Variants in FLRT2 observed in about 807,000 individuals in gnomAD.
FLRT2 encodes the protein leucine-rich repeat transmembrane protein FLRT2.
FLRT2 carries 15 observed loss-of-function variants against 40.0 expected under a neutral mutation model. That is an observed-to-expected ratio of 0.38 (90% confidence interval 0.25 to 0.58). The LOEUF (loss-of-function observed/expected upper bound fraction) is 0.58, where lower values mean the gene tolerates loss of function less well. FLRT2 is among the 20% of genes least tolerant of loss of function. The probability of loss-of-function intolerance (pLI) is 0.71; values close to 1 mark genes in which losing one functional copy is unlikely to be tolerated. For missense variants in FLRT2, 726 were observed against 840.0 expected, an observed-to-expected ratio of 0.86 and a Z score of 1.68; for synonymous variants, 380 against 336.8, an observed-to-expected ratio of 1.13 and a Z score of -1.41.
chr14:85,603,820 G>A (rs1008306981), intron 1 of FLRT2, among the ~76,000 whole-genome samples: 1 of 152,084 alleles, frequency 6.6e-6, no homozygotes, highest in African/African-American at 2.4e-5. Flanking sequence ...GCGAGCCGAG[G>A]TCTCTTGCCA....
intron 1 of FLRT2, among the ~76,000 whole-genome samples, chr14:85,574,581 T>G (rs1008540483): frequency 2.0e-5 from 3 of 152,166 alleles, no homozygotes; most frequent in Admixed American, 2.0e-4. Context: ...CAATTTTTGG[T>G]TCCTTTTCTT....
intron 1 of FLRT2, among the ~76,000 whole-genome samples, chr14:85,609,617 G>A (rs1475728956): frequency 1.3e-5 from 2 of 152,164 alleles, no homozygotes; most frequent in Admixed American, 6.6e-5. Flanking sequence ...AACTCCGTTA[G>A]GAGACTTGGT....
At chr14:85,606,521 CTTTT>C (rs532159794) in intron 1 of FLRT2, among the ~76,000 whole-genome samples, 157 of 99,962 alleles carry the variant, frequency 1.6e-3, no homozygotes, top group South Asian at 3.8e-3. Context: ...AGCTGTTACT[CTTTT>C]TTTTTTTTTT....
At chr14:85,602,872 G>A (rs1473365964) in intron 1 of FLRT2, among the ~76,000 whole-genome samples, 2 of 152,226 alleles carry the variant, frequency 1.3e-5, no homozygotes, top group African/African-American at 2.4e-5. Flanking sequence ...CCAGAATAAT[G>A]ATTACCTCTG....
In FLRT2 at chr14:85,628,193, T is replaced by G. The variant is rs1248419812; in HGVS notation, c.*4696T>G. 1.3e-5 allele frequency: 2 copies of G among 152,236 alleles called. No individual in the cohort carries two copies. The highest frequency in any genetic ancestry group is 2.9e-5 in the Non-Finnish European group (2 of 68,042). 9.4% of individuals were successfully genotyped at this position (152,236 alleles called of 1,614,324 possible). A position where few individuals can be genotyped will look rare whatever the true frequency, so the allele number is the denominator to read the frequency against. On this transcript the variant is annotated 3_prime_UTR_variant, in exon 2 of 2. Coordinates refer to ENST00000330753, the MANE Select transcript of FLRT2 (RefSeq NM_013231.6). Reference sequence around the variant, plus strand: ...GTATGCACACATACACAGAGCATCTTATTTTATACTGGTGAAATCTATGTT... The same window carrying G: ...GTATGCACACATACACAGAGCATCTGATTTTATACTGGTGAAATCTATGTT...
intron 1 of FLRT2, among the ~76,000 whole-genome samples, chr14:85,600,423 G>A (rs1002239686): frequency 2.6e-5 from 4 of 152,152 alleles, no homozygotes; most frequent in African/African-American, 9.7e-5. Flanking sequence ...TGTGTACTGA[G>A]GAAGAGGTGC....
At chr14:85,604,071 C>T (rs1242238993) in intron 1 of FLRT2, among the ~76,000 whole-genome samples, 1 of 152,064 alleles carries the variant, frequency 6.6e-6, no homozygotes, top group Non-Finnish European at 1.5e-5. Context: ...GGAAGCCATC[C>T]TACCTAAATC....
chr14:85,601,023 C>T (rs1055706264), intron 1 of FLRT2, among the ~76,000 whole-genome samples: 1 of 152,088 alleles, frequency 6.6e-6, no homozygotes, highest in Non-Finnish European at 1.5e-5. Flanking sequence ...CATTGGAAGT[C>T]GTGTCCTACA....
Position 85,623,293 on chromosome 14 carries a change from CAAG to C in FLRT2, c.1783_1785del (p.Lys595del). 1 of 1,517,062 alleles carries C rather than the reference CAAG, an allele frequency of 6.6e-7. No homozygotes were observed. The highest frequency in any genetic ancestry group is 8.8e-7 in the Non-Finnish European group (1 of 1,133,826). 94.0% of individuals were successfully genotyped at this position (1,517,062 alleles called of 1,614,324 possible). A position where few individuals can be genotyped will look rare whatever the true frequency, so the allele number is the denominator to read the frequency against. ...AAGATGATTATTGCGAGGCAGGCACCAAGAAGGACAACTCCATCCTGGAGATGA... is the reference window on the plus strand; with the variant it reads ...AAGATGATTATTGCGAGGCAGGCACCAAGGACAACTCCATCCTGGAGATGA... On this transcript the variant is annotated inframe_deletion, in exon 2 of 2. Transcript: ENST00000330753.
intron 1 of FLRT2, among the ~76,000 whole-genome samples, chr14:85,567,948 T>G (rs1427214965): frequency 6.6e-6 from 1 of 152,024 alleles, no homozygotes; most frequent in Non-Finnish European, 1.5e-5. Flanking sequence ...TGATTTTTAT[T>G]TTTTTCTATA....
chr14:85,567,953 T>C (rs12893351), intron 1 of FLRT2, among the ~76,000 whole-genome samples: 44,340 of 151,850 alleles, frequency 0.29, 7,023 homozygotes, highest in Middle Eastern at 0.4. Context: ...TTTATTTTTT[T>C]CTATAGAGAT....
chr14:85,611,897 A>AGCGC (rs1239635149), intron 1 of FLRT2, among the ~76,000 whole-genome samples: 1 of 110,814 alleles, frequency 9.0e-6, no homozygotes, highest in East Asian at 2.4e-4. Flanking sequence ...AGAGAGAGAG[A>AGCGC]GAGCGCGCGT....
chr14:85,547,463 A>G (rs1237416044), intron 1 of FLRT2, among the ~76,000 whole-genome samples: 2 of 151,658 alleles, frequency 1.3e-5, no homozygotes, highest in African/African-American at 4.8e-5. Flanking sequence ...AGCTGGGATT[A>G]CAGGTGCCTG....
At chr14:85,578,748 T>C (rs564806644) in intron 1 of FLRT2, among the ~76,000 whole-genome samples, 1 of 152,264 alleles carries the variant, frequency 6.6e-6, no homozygotes, top group South Asian at 2.1e-4. Flanking sequence ...CAAAGGAGTA[T>C]TGCTTCAAAT....
At position 85,634,158 on chromosome 14, in the gene FLRT2, T is replaced by C. The variant is rs1893948008; in HGVS notation, c.*10661T>C. The C allele has an allele frequency of 2.0e-5, 3 of 152,256 alleles. No individual in the cohort carries two copies. Among genetic ancestry groups the C allele is most frequent in the Admixed American group, 2.0e-4 (3 of 15,282 alleles). 9.4% of individuals were successfully genotyped at this position (152,256 alleles called of 1,614,324 possible). On this transcript the variant is annotated 3_prime_UTR_variant, in exon 2 of 2. Transcript: ENST00000330753. Reference sequence around the variant, plus strand: ...AAAGCAATTCACTCACTACGGTCTGTATTAGCATTATTTTCCTTTCTATTT... The same window carrying C: ...AAAGCAATTCACTCACTACGGTCTGCATTAGCATTATTTTCCTTTCTATTT...
intron 1 of FLRT2, among the ~76,000 whole-genome samples, chr14:85,604,113 C>T (rs1035986643): frequency 6.6e-6 from 1 of 152,056 alleles, no homozygotes; most frequent in Admixed American, 6.5e-5. Flanking sequence ...TTAGTGAAAA[C>T]ATTTTTGTGG....
intron 1 of FLRT2, among the ~76,000 whole-genome samples, chr14:85,582,128 T>TTG (rs1891414360): frequency 6.6e-6 from 1 of 152,204 alleles, no homozygotes; most frequent in Non-Finnish European, 1.5e-5. Flanking sequence ...CATATGTAGA[T>TTG]CCTGCTCTTA....
At chr14:85,535,262 C>T (rs1391111097) in intron 1 of FLRT2, among the ~76,000 whole-genome samples, 3 of 151,836 alleles carry the variant, frequency 2.0e-5, no homozygotes, top group Non-Finnish European at 2.9e-5. Context: ...CAACCAAAAG[C>T]TAATCTGAAG....
intron 1 of FLRT2, among the ~76,000 whole-genome samples, chr14:85,606,521 CTTTTTTTTTTTT>C (rs532159794): frequency 1.0e-5 from 1 of 99,962 alleles, no homozygotes; most frequent in South Asian, 3.5e-4. Context: ...AGCTGTTACT[CTTTTTTTTTTTT>C]TTTTTTTTTT....
Sources: allele counts gnomAD v4.1 joint callset (sites outside exome capture counted in the v4.1 genomes callset), GRCh38; gene constraint gnomAD v4.1.1; transcripts MANE v1.5; gene names NCBI Gene and HGNC (gene_info 2026-07-23, HGNC 2026-07-21).